The following GAB2 variants were observed in gnomAD, a reference collection of about 807,000 sequenced individuals.
GAB2 encodes the protein GRB2-associated-binding protein 2.
Under a neutral mutation model 65.5 loss-of-function variants are expected in GAB2, and 26 were observed. The observed-to-expected ratio is 0.40, with a 90% confidence interval of 0.29 to 0.55. The LOEUF (loss-of-function observed/expected upper bound fraction) is 0.55. GAB2 is among the 20% of genes least tolerant of loss of function. GAB2 has a pLI of 0.53. For missense variants in GAB2, 884 were observed against 875.8 expected, an observed-to-expected ratio of 1.01 and a Z score of -0.12; for synonymous variants, 321 against 329.6, an observed-to-expected ratio of 0.97 and a Z score of 0.28.
intron 2 of GAB2, among the ~76,000 whole-genome samples, chr11:78,251,986 G>A (rs767211953): frequency 6.6e-6 from 1 of 152,214 alleles, no homozygotes; most frequent in African/African-American, 2.4e-5. Context: ...CTTCTTGTTC[G>A]AAAGAAATAA....
At chr11:78,347,163 G>C (rs1338446470) in intron 1 of GAB2, among the ~76,000 whole-genome samples, 5 of 151,986 alleles carry the variant, frequency 3.3e-5, no homozygotes, top group African/African-American at 7.3e-5. Context: ...TATCAAGAGG[G>C]CACCAAAAAA....
chr11:78,300,094 T>G (rs920154405), intron 1 of GAB2, among the ~76,000 whole-genome samples: 1 of 152,206 alleles, frequency 6.6e-6, no homozygotes, highest in Non-Finnish European at 1.5e-5. Context: ...AGAGTTCCCC[T>G]GTGCCCTTTC....
intron 2 of GAB2, among the ~76,000 whole-genome samples, chr11:78,270,551 C>T (rs941805685): frequency 2.0e-5 from 3 of 152,146 alleles, no homozygotes; most frequent in Non-Finnish European, 2.9e-5. Context: ...GGCATCATCA[C>T]TTAGTGCCTT....
intron 2 of GAB2, among the ~76,000 whole-genome samples, chr11:78,279,038 G>GA (rs1246888076): frequency 6.6e-5 from 10 of 151,346 alleles, no homozygotes; most frequent in Admixed American, 2.6e-4. Context: ...TAAAATAAAG[G>GA]AAAAAAACAA....
rs555399432 is a variant in GAB2, at chr11:78,310,374, A to C, written c.76-29473T>G. 2.0e-5 allele frequency among the ~76,000 whole-genome samples: 3 copies of C among 150,344 alleles called. No homozygotes were observed. The South Asian group carries it at 6.4e-4, about 32-fold the overall frequency. ...AAAAAAAAAAAAAAATTAGCCGGGC[A>C]CGGTGGTGGGCGCCTGTAGTCCCAG... is the stretch of plus-strand genomic sequence containing the variant. On this transcript the variant is annotated intron_variant, in intron 1 of 9. Coordinates refer to ENST00000361507, the MANE Select transcript of GAB2 (RefSeq NM_080491.3).
chr11:78,361,513 A>G (rs1478100367), intron 1 of GAB2, among the ~76,000 whole-genome samples: 1 of 151,882 alleles, frequency 6.6e-6, no homozygotes, highest in Non-Finnish European at 1.5e-5. Context: ...TTCCTATTAC[A>G]AAGGGCTAAT....
intron 1 of GAB2, among the ~76,000 whole-genome samples, chr11:78,306,208 G>T (rs1352383802): frequency 6.6e-6 from 1 of 152,000 alleles, no homozygotes; most frequent in East Asian, 1.9e-4. Context: ...ACCTAATCTA[G>T]AACCTATATA....
intron 1 of GAB2, among the ~76,000 whole-genome samples, chr11:78,353,343 A>T (rs1856309580): frequency 6.6e-6 from 1 of 152,216 alleles, no homozygotes; most frequent in Non-Finnish European, 1.5e-5. Context: ...CGGGAGGCTG[A>T]GGCAGGAGAA....
At chr11:78,377,092 A>C (rs1248872302) in intron 1 of GAB2, among the ~76,000 whole-genome samples, 3 of 152,232 alleles carry the variant, frequency 2.0e-5, no homozygotes, top group Admixed American at 2.0e-4. Context: ...CCAGAAGCTG[A>C]GCAGATGCCA....
chr11:78,217,922 CCTG>C lies in GAB2; in HGVS notation c.*1347_*1349del, dbSNP rs1035946962. 6.6e-6 allele frequency: 1 copy of C among 152,666 alleles called. No individual in the cohort carries two copies. Among genetic ancestry groups the C allele is most frequent in the Non-Finnish European group, 1.5e-5 (1 of 68,340 alleles). The allele number at this position is 152,666 out of a possible 1,614,324, so 9.5% of individuals were successfully genotyped here. A position where few individuals can be genotyped will look rare whatever the true frequency, so the allele number is the denominator to read the frequency against. Reference sequence around the variant, plus strand: ...TGTGGTCCTCTAGGCATCATTCTGCCCTGCTTTCTCCTTGTCCTGCCTGACCCA... The same window carrying C: ...TGTGGTCCTCTAGGCATCATTCTGCCCTTTCTCCTTGTCCTGCCTGACCCA... On this transcript the variant is annotated 3_prime_UTR_variant, in exon 10 of 10. Coordinates refer to ENST00000361507, the MANE Select transcript of GAB2 (RefSeq NM_080491.3).
At chr11:78,258,048 T>C (rs1009050946) in intron 2 of GAB2, among the ~76,000 whole-genome samples, 1 of 152,200 alleles carries the variant, frequency 6.6e-6, no homozygotes, top group African/African-American at 2.4e-5. Context: ...CTCTACCGCC[T>C]ACTGGCTGAG....
chr11:78,219,201 G>T lies in GAB2; in HGVS notation c.*71C>A. 1.4e-6 allele frequency: 2 copies of T among 1,406,580 alleles called. No individual in the cohort carries two copies. The highest frequency in any genetic ancestry group is 9.9e-7 in the Non-Finnish European group (1 of 1,008,418). The allele number at this position is 1,406,580 out of a possible 1,614,324, so 87.1% of individuals were successfully genotyped here. A position where few individuals can be genotyped will look rare whatever the true frequency, so the allele number is the denominator to read the frequency against. The stretch of plus-strand genomic sequence containing the variant: ...GAGGTGGATGGGAGGAAGAACGGGA[G>T]AGGGGAGAGGGGAGATGGGAAGGGC... On this transcript the variant is annotated 3_prime_UTR_variant, in exon 10 of 10. Transcript: ENST00000361507.
At chr11:78,313,983 A>G (rs1166275062) in intron 1 of GAB2, among the ~76,000 whole-genome samples, 1 of 152,152 alleles carries the variant, frequency 6.6e-6, no homozygotes, top group Non-Finnish European at 1.5e-5. Context: ...AGTCTGAAAA[A>G]CATGGCAGAA....
chr11:78,252,550 C>G (rs1331075099), intron 2 of GAB2, among the ~76,000 whole-genome samples: 1 of 152,142 alleles, frequency 6.6e-6, no homozygotes, highest in East Asian at 1.9e-4. Flanking sequence ...TCGTTGGACT[C>G]CTCTTCCTTT....
chr11:78,340,479 C>A (rs573233773), intron 1 of GAB2, among the ~76,000 whole-genome samples: 1 of 152,244 alleles, frequency 6.6e-6, no homozygotes, highest in African/African-American at 2.4e-5. Context: ...GATTTCTACC[C>A]TTTCCTGTGT....
chr11:78,365,879 C>T (rs1856489777), intron 1 of GAB2, among the ~76,000 whole-genome samples: 1 of 152,190 alleles, frequency 6.6e-6, no homozygotes, highest in Admixed American at 6.5e-5. Flanking sequence ...TAATTCTATC[C>T]CGCTCTATGG....
intron 1 of GAB2, among the ~76,000 whole-genome samples, chr11:78,409,234 T>C (rs73502981): frequency 0.025 from 3,763 of 152,240 alleles, 158 homozygotes; most frequent in African/African-American, 0.087. Flanking sequence ...GCAGGTATTA[T>C]ATAAAGATAA....
At chr11:78,327,348 C>A (rs1855841133) in intron 1 of GAB2, among the ~76,000 whole-genome samples, 1 of 152,122 alleles carries the variant, frequency 6.6e-6, no homozygotes, top group Non-Finnish European at 1.5e-5. Context: ...GCACCTCAAG[C>A]TGGGAATGGT....
intron 1 of GAB2, among the ~76,000 whole-genome samples, chr11:78,374,141 C>G (rs1856605194): frequency 6.6e-6 from 1 of 152,198 alleles, no homozygotes; most frequent in South Asian, 2.1e-4. Context: ...GACACACATT[C>G]TAACAGCTTG....
Sources: gnomAD v4.1 joint callset for allele counts (sites outside exome capture counted in the v4.1 genomes callset) on GRCh38, gnomAD v4.1.1 for gene constraint, MANE v1.5 for transcripts, NCBI Gene and HGNC (gene_info 2026-07-23, HGNC 2026-07-21) for gene names.